PLCG2: variants seen among roughly 807,000 people sequenced by gnomAD.
PLCG2 encodes the protein phospholipase C gamma 2, also known as 1-phosphatidylinositol 4,5-bisphosphate phosphodiesterase gamma-2.
Under a neutral mutation model 175.6 loss-of-function variants are expected in PLCG2, and 69 were observed. That is an observed-to-expected ratio of 0.39 (90% CI 0.32 to 0.48). The LOEUF (loss-of-function observed/expected upper bound fraction) is 0.48, where lower values mean the gene tolerates loss of function less well. Among genes scored for constraint, PLCG2 ranks in the 20% least tolerant of loss-of-function variants. PLCG2 has a pLI of 0.91. For missense variants in PLCG2, 1,798 were observed against 1,650.9 expected (o/e 1.09, Z -1.54); for synonymous variants, 827 against 624.0 (o/e 1.33, Z -4.85).
At chr16:81,862,246 C>T (rs997488902) in intron 5 of PLCG2, among the ~76,000 whole-genome samples, 6 of 152,230 alleles carry the variant, frequency 3.9e-5, no homozygotes, top group African/African-American at 7.2e-5. Flanking sequence ...TGGCCCAGCC[C>T]GGGCAATGGA....
chr16:81,808,481 TTTTTA>T (rs534581346), intron 2 of PLCG2, among the ~76,000 whole-genome samples: 1 of 152,158 alleles, frequency 6.6e-6, no homozygotes, highest in Non-Finnish European at 1.5e-5. Flanking sequence ...CTGTGCAATC[TTTTTA>T]TTTTATTTTA....
At chr16:81,759,048 A>G (rs1909988049) in intron 2 of PLCG2, among the ~76,000 whole-genome samples, 1 of 152,172 alleles carries the variant, frequency 6.6e-6, no homozygotes, top group Non-Finnish European at 1.5e-5. Context: ...TTTAATTTAC[A>G]TTTCCCAGGA....
At chr16:81,886,618 G>T (rs1908379776) in intron 9 of PLCG2, among the ~76,000 whole-genome samples, 1 of 152,214 alleles carries the variant, frequency 6.6e-6, no homozygotes, top group Non-Finnish European at 1.5e-5. Context: ...GGATGGATGG[G>T]TGATGGGATA....
upstream of PLCG2, among the ~76,000 whole-genome samples, chr16:81,777,096 A>G (rs1910427756): frequency 6.8e-6 from 1 of 147,784 alleles, no homozygotes; most frequent in Non-Finnish European, 1.5e-5. Context: ...ACTCAAAAAT[A>G]CTATAGGCTC....
intron 2 of PLCG2, among the ~76,000 whole-genome samples, chr16:81,803,637 CTCCCT>C (rs1911855242): frequency 6.6e-5 from 1 of 15,152 alleles, no homozygotes; most frequent in African/African-American, 4.3e-4. Flanking sequence ...TTCTTCTTCC[CTCCCT>C]CCCTCCCTCC....
chr16:81,786,164 G>A lies in PLCG2; in HGVS notation c.175G>A (p.Asp59Asn). The A allele has an allele frequency of 8.1e-6, 13 of 1,614,064 alleles. 1 individual carries two copies. The highest frequency in any genetic ancestry group is 2.2e-5 in the South Asian group (2 of 91,074). The change falls in exon 2 of 33, where the codon GAC becomes AAC. Residue 59 changes from aspartate to asparagine, a missense_variant. Physicochemically the swap from Asp to Asn is conservative, Grantham distance 23. Transcript: ENST00000564138. ...TRQVAWSKTA[D>N]KIEGFLDIME... ...GCAGGTGGCCTGGAGCAAGACCGCTGACAAGATCGAGGGCTTCTGTGAGTA... is the reference window on the plus strand; with the variant it reads ...GCAGGTGGCCTGGAGCAAGACCGCTAACAAGATCGAGGGCTTCTGTGAGTA...
chr16:81,935,949 G>T, intron 26 of PLCG2: 1 of 985,082 alleles, frequency 1.0e-6, no homozygotes, highest in Non-Finnish European at 1.2e-6. Flanking sequence ...AGCCTAAAAG[G>T]TGGTGGGAAA....
chr16:81,811,738 A>G (rs774441242), intron 2 of PLCG2, among the ~76,000 whole-genome samples: 2 of 152,072 alleles, frequency 1.3e-5, no homozygotes, highest in East Asian at 1.9e-4. Context: ...CATGGTGTAT[A>G]TGTGCCACAT....
At chr16:81,881,862 G>C (rs1284377446) in intron 8 of PLCG2, among the ~76,000 whole-genome samples, 6 of 151,366 alleles carry the variant, frequency 4.0e-5, no homozygotes, top group Non-Finnish European at 8.8e-5. Context: ...ATGTTGGCCA[G>C]TCTGGTGTTG....
At chr16:81,927,260 G>A (rs926203854) in intron 23 of PLCG2, 82 bp downstream of exon 23, 5 of 924,408 alleles carry the variant, frequency 5.4e-6, no homozygotes, top group Admixed American at 1.7e-5. Flanking sequence ...ATCTCAGTGG[G>A]TGAATTTTTC....
At chr16:81,872,732 G>A (rs7197677) in intron 7 of PLCG2, among the ~76,000 whole-genome samples, 1 of 151,794 alleles carries the variant, frequency 6.6e-6, no homozygotes, top group African/African-American at 2.4e-5. Flanking sequence ...GGAACTTGGA[G>A]TCAGGTGGCT....
chr16:81,811,268 G>C (rs968909648), intron 2 of PLCG2, among the ~76,000 whole-genome samples: 13 of 152,194 alleles, frequency 8.5e-5, no homozygotes, highest in African/African-American at 3.1e-4. Context: ...CTCGTGTGTG[G>C]GTGTAAAGAC....
chr16:81,913,218 A>G (rs1909707384), intron 19 of PLCG2, among the ~76,000 whole-genome samples: 1 of 152,172 alleles, frequency 6.6e-6, no homozygotes. Flanking sequence ...AATGACAAGG[A>G]GCCGAGGAGT....
chr16:81,778,039 A>ACAAAACAAAAAACAAAACAAAC (rs777309038), upstream of PLCG2, among the ~76,000 whole-genome samples: 1 of 80,382 alleles, frequency 1.2e-5, no homozygotes, highest in African/African-American at 4.7e-5. Context: ...AAACAAAAAA[A>ACAAAACAAAAAACAAAACAAAC]AAACAAAAAA....
chr16:81,791,190 T>G (rs1489117837), intron 2 of PLCG2, among the ~76,000 whole-genome samples: 1 of 152,144 alleles, frequency 6.6e-6, no homozygotes, highest in South Asian at 2.1e-4. Context: ...GATTGTGTGC[T>G]TAGTACCATA....
chr16:81,876,567 G>C (rs1039274293), intron 7 of PLCG2, among the ~76,000 whole-genome samples: 3 of 152,170 alleles, frequency 2.0e-5, no homozygotes, highest in African/African-American at 7.2e-5. Context: ...GCCCGACTCA[G>C]AGATGACATT....
At chr16:81,771,283 A>C (rs1013517143) in intron 2 of PLCG2, among the ~76,000 whole-genome samples, 1 of 152,146 alleles carries the variant, frequency 6.6e-6, no homozygotes, top group African/African-American at 2.4e-5. Flanking sequence ...GCTGGAGTAC[A>C]CTGGTGTTGT....
chr16:81,767,520 A>G (rs1910177728), intron 2 of PLCG2: 1 of 152,092 alleles, frequency 6.6e-6, no homozygotes, highest in African/African-American at 2.4e-5. Flanking sequence ...CCCAACCTGC[A>G]CTGATCACTT....
At chr16:81,837,549 G>T (rs113983451) in intron 2 of PLCG2, among the ~76,000 whole-genome samples, 25 of 152,236 alleles carry the variant, frequency 1.6e-4, no homozygotes, top group African/African-American at 5.8e-4. Context: ...CCCCCGTGTC[G>T]TGGGTGCCAT....
Sources: gnomAD v4.1 joint callset for allele counts (sites outside exome capture counted in the v4.1 genomes callset) on GRCh38, gnomAD v4.1.1 for gene constraint, MANE v1.5 for transcripts, NCBI Gene and HGNC (gene_info 2026-07-23, HGNC 2026-07-21) for gene names.